Variants in TMEM132B observed in about 807,000 individuals in gnomAD.
TMEM132B encodes transmembrane protein 132B.
TMEM132B carries 18 observed loss-of-function variants against 90.8 expected under a neutral mutation model. The observed-to-expected ratio is 0.20, with a 90% CI of 0.14 to 0.29. TMEM132B has a LOEUF of 0.29. Ranked by LOEUF, TMEM132B falls within the 10% of genes least tolerant of loss-of-function variation. The pLI is 1.00. For synonymous variants in TMEM132B, 504 were observed against 523.3 expected, an observed-to-expected ratio of 0.96 and a Z score of 0.50; for missense variants, 1,096 against 1,326.8, an observed-to-expected ratio of 0.83 and a Z score of 2.70.
chr12:125,395,229 A>G (rs886936155), intron 2 of TMEM132B, among the ~76,000 whole-genome samples: 38 of 152,152 alleles, frequency 2.5e-4, no homozygotes, highest in African/African-American at 9.2e-4. Flanking sequence ...AAGAGGTGAA[A>G]AAAATTCATT....
intron 1 of TMEM132B, among the ~76,000 whole-genome samples, chr12:125,276,887 G>A (rs1875006179): frequency 6.6e-6 from 1 of 152,182 alleles, no homozygotes; most frequent in Non-Finnish European, 1.5e-5. Context: ...GGCAGGGAGA[G>A]GTGCAGCCCT....
chr12:125,557,041 C>T (rs1884406479), intron 4 of TMEM132B, among the ~76,000 whole-genome samples: 1 of 152,174 alleles, frequency 6.6e-6, no homozygotes, highest in African/African-American at 2.4e-5. Context: ...ACTTACGTGC[C>T]TTGTGTGTGG....
rs150220110 is a variant in TMEM132B at position 125,454,649 on chromosome 12, G to T, written c.1106+38972G>T. Reference sequence around the variant, plus strand: ...TCTGCTTATTTATCTCTTAGGAAAGGATTTATAAATATAGTTTTAGGAAGA... The same window carrying T: ...TCTGCTTATTTATCTCTTAGGAAAGTATTTATAAATATAGTTTTAGGAAGA... On this transcript the variant is annotated intron_variant, in intron 3 of 8. Coordinates refer to ENST00000682704, the MANE Select transcript of TMEM132B (RefSeq NM_001366854.1). Among the ~76,000 whole-genome samples, 272 of 152,274 alleles carry T rather than the reference G, an allele frequency of 1.8e-3. 2 individuals carry two copies. The highest frequency in any genetic ancestry group is 5.9e-3 in the African/African-American group (246 of 41,546).
intron 4 of TMEM132B, among the ~76,000 whole-genome samples, chr12:125,567,434 A>C (rs1884685746): frequency 1.3e-5 from 2 of 149,060 alleles, no homozygotes; most frequent in Admixed American, 6.7e-5. Flanking sequence ...TCTTGCTCTG[A>C]CCCCTGCCCC....
intron 5 of TMEM132B, among the ~76,000 whole-genome samples, chr12:125,632,396 C>G (rs1293554933): frequency 6.6e-6 from 1 of 152,090 alleles, no homozygotes; most frequent in Non-Finnish European, 1.5e-5. Flanking sequence ...ATCATTAAGT[C>G]TCTCTACTTA....
intron 5 of TMEM132B, among the ~76,000 whole-genome samples, chr12:125,606,314 CTTTT>C (rs368313402): frequency 1.7e-4 from 22 of 129,594 alleles, no homozygotes; most frequent in Admixed American, 1.5e-4. Flanking sequence ...GATTTCTTTC[CTTTT>C]TTTTTTTTTT....
chr12:125,370,782 T>C (rs1409787297), intron 2 of TMEM132B, among the ~76,000 whole-genome samples: 2 of 152,148 alleles, frequency 1.3e-5, no homozygotes, highest in Non-Finnish European at 2.9e-5. Context: ...GTCTGACACA[T>C]GTGAGTTGAT....
chr12:125,202,198 T>C (rs1439246032), intron 1 of TMEM132B, among the ~76,000 whole-genome samples: 1 of 152,250 alleles, frequency 6.6e-6, no homozygotes, highest in Non-Finnish European at 1.5e-5. Flanking sequence ...TTGAAAGCGC[T>C]GGGGAAGAAG....
intron 4 of TMEM132B, among the ~76,000 whole-genome samples, chr12:125,560,810 T>C (rs9805032): frequency 0.95 from 128,329 of 135,084 alleles, 60,981 homozygotes; most frequent in African/African-American, 0.98. Context: ...CCGGCCTGGG[T>C]GACAGAGCGA....
rs559082412 is a variant in TMEM132B, at chr12:125,584,273, A to G, written c.1437+279A>G. ...TTCTCCTCCCCTTCTTGTCTCCCCT[A>G]TTCTTCTCTCTATCTTTCCTCGTAA... On this transcript the variant is annotated intron_variant, in intron 5 of 8. Transcript: ENST00000682704. 5.4e-4 allele frequency: 231 copies of G among 428,196 alleles called. 4 individuals are homozygous for G. The South Asian group carries it at 5.8e-3, about 11-fold the overall frequency. 26.5% of individuals were successfully genotyped at this position (428,196 alleles called of 1,614,324 possible).
intron 3 of TMEM132B, among the ~76,000 whole-genome samples, chr12:125,451,056 G>A (rs1386516260): frequency 6.6e-6 from 1 of 152,138 alleles, no homozygotes; most frequent in East Asian, 1.9e-4. Context: ...AAGACAGACT[G>A]TAGAAGTGTT....
chr12:125,275,066 G>T (rs1029037709), intron 1 of TMEM132B, among the ~76,000 whole-genome samples: 8 of 152,176 alleles, frequency 5.3e-5, no homozygotes, highest in African/African-American at 1.9e-4. Flanking sequence ...ACCCACTTCA[G>T]AATTATCTTT....
chr12:125,446,335 G>T (rs926694730), intron 3 of TMEM132B, among the ~76,000 whole-genome samples: 1 of 152,102 alleles, frequency 6.6e-6, no homozygotes, highest in Non-Finnish European at 1.5e-5. Context: ...TTATTGATTT[G>T]TATGAGCTAT....
chr12:125,486,223 G>A (rs1251316335), intron 3 of TMEM132B, among the ~76,000 whole-genome samples: 2 of 152,190 alleles, frequency 1.3e-5, no homozygotes, highest in South Asian at 2.1e-4. Flanking sequence ...GAGGGCATGG[G>A]TATAAAGGCT....
intron 3 of TMEM132B, among the ~76,000 whole-genome samples, chr12:125,416,566 G>C (rs1880020684): frequency 1.3e-5 from 2 of 152,254 alleles, no homozygotes; most frequent in Admixed American, 1.3e-4. Context: ...TGAAGGCCTG[G>C]GTGGAGGGGA....
chr12:125,284,550 A>G (rs73422805), intron 1 of TMEM132B, among the ~76,000 whole-genome samples: 3,937 of 152,148 alleles, frequency 0.026, 174 homozygotes, highest in African/African-American at 0.09. Context: ...TATATCTTCA[A>G]GGGTCTTCCA....
intron 5 of TMEM132B, among the ~76,000 whole-genome samples, chr12:125,637,840 G>T (rs970815013): frequency 1.3e-5 from 2 of 152,220 alleles, no homozygotes; most frequent in Non-Finnish European, 2.9e-5. Context: ...ATCAGTGGTT[G>T]CCTGGGGCCA....
chr12:125,447,040 T>G (rs748346966), intron 3 of TMEM132B, among the ~76,000 whole-genome samples: 1 of 152,274 alleles, frequency 6.6e-6, no homozygotes, highest in African/African-American at 2.4e-5. Flanking sequence ...CAGTTTTCTT[T>G]TGATTACTAT....
intron 1 of TMEM132B, among the ~76,000 whole-genome samples, chr12:125,322,064 G>A (rs1023742697): frequency 3.3e-5 from 5 of 152,166 alleles, no homozygotes; most frequent in Non-Finnish European, 7.4e-5. Context: ...TTCATACTGT[G>A]TGTTGATATG....
Sources: allele counts gnomAD v4.1 joint callset (sites outside exome capture counted in the v4.1 genomes callset), GRCh38; gene constraint gnomAD v4.1.1; transcripts MANE v1.5; gene names NCBI Gene and HGNC (gene_info 2026-07-23, HGNC 2026-07-21).